The following ANO4 variants were observed in gnomAD, a reference collection of about 807,000 sequenced individuals.
The protein encoded by ANO4 is anoctamin-4.
ANO4 carries 69 observed loss-of-function variants against 141.9 expected under a neutral mutation model. The ratio of observed to expected loss-of-function variants is 0.49; its 90% confidence interval spans 0.40 to 0.59. The LOEUF (loss-of-function observed/expected upper bound fraction) is 0.59, where lower values mean the gene tolerates loss of function less well. Among genes scored for constraint, ANO4 ranks in the 20% least tolerant of loss-of-function variants. The pLI is 0.00. For synonymous variants in ANO4, 350 were observed against 394.3 expected (o/e 0.89, Z 1.33); for missense variants, 894 against 1,162.2 (o/e 0.77, Z 3.36).
chr12:100,868,615 A>G (rs547064679), intron 1 of ANO4, among the ~76,000 whole-genome samples: 1 of 152,044 alleles, frequency 6.6e-6, no homozygotes, highest in East Asian at 1.9e-4. Context: ...AGCCACCCCC[A>G]TCCCATTTTC....
chr12:100,992,578 C>G (rs985113794), intron 8 of ANO4, among the ~76,000 whole-genome samples: 1 of 152,172 alleles, frequency 6.6e-6, no homozygotes, highest in African/African-American at 2.4e-5. Context: ...GGTCTCTGTT[C>G]TATACTGTTG....
intron 1 of ANO4, among the ~76,000 whole-genome samples, chr12:100,729,371 A>C (rs2031285517): frequency 1.3e-5 from 2 of 148,874 alleles, no homozygotes; most frequent in African/African-American, 4.9e-5. Flanking sequence ...AAAAAAAAAA[A>C]AAAAAAAAAA....
At chr12:101,011,923 T>C (rs2046111945) in intron 8 of ANO4, among the ~76,000 whole-genome samples, 2 of 152,050 alleles carry the variant, frequency 1.3e-5, no homozygotes, top group Non-Finnish European at 1.5e-5. Flanking sequence ...CCATGCAGAT[T>C]TTCATACCTT....
At chr12:101,060,129 C>T (rs889775916) in intron 14 of ANO4, among the ~76,000 whole-genome samples, 4 of 152,286 alleles carry the variant, frequency 2.6e-5, no homozygotes, top group East Asian at 3.9e-4. Flanking sequence ...GCCTTAATTT[C>T]GTTATTTACC....
At chr12:100,923,748 C>T (rs1441967286) in intron 3 of ANO4, among the ~76,000 whole-genome samples, 2 of 152,120 alleles carry the variant, frequency 1.3e-5, no homozygotes, top group African/African-American at 4.8e-5. Context: ...TTTACACTCC[C>T]ACCAACAGTG....
At chr12:100,826,170 C>T (rs1037349352) in intron 1 of ANO4, among the ~76,000 whole-genome samples, 1 of 151,720 alleles carries the variant, frequency 6.6e-6, no homozygotes, top group African/African-American at 2.4e-5. Flanking sequence ...AAGCAAAAGA[C>T]AGTGTAACAG....
At chr12:100,823,496 G>C (rs1046157712) in intron 1 of ANO4, among the ~76,000 whole-genome samples, 8 of 151,900 alleles carry the variant, frequency 5.3e-5, no homozygotes, top group Non-Finnish European at 1.2e-4. Flanking sequence ...ATACAAGCGA[G>C]TTGGGACATA....
At chr12:100,895,148 G>GTT (rs35816641) in intron 1 of ANO4, among the ~76,000 whole-genome samples, 4,966 of 147,860 alleles carry the variant, frequency 0.034, 228 homozygotes, top group African/African-American at 0.1. Flanking sequence ...CCTTCTACAG[G>GTT]TTTTTTTTTT....
At chr12:100,988,876 A>AAAAAAAC in intron 8 of ANO4, among the ~76,000 whole-genome samples, 1 of 130,744 alleles carries the variant, frequency 7.6e-6, no homozygotes, top group South Asian at 2.7e-4. Flanking sequence ...GTCTCAGAAA[A>AAAAAAAC]AAAAAAAAAA....
At chr12:101,046,261 T>C (rs2047627260) in intron 13 of ANO4, among the ~76,000 whole-genome samples, 1 of 151,642 alleles carries the variant, frequency 6.6e-6, no homozygotes, top group African/African-American at 2.4e-5. Flanking sequence ...CCAGGGCAGC[T>C]ATCCAGGTAG....
At chr12:101,004,949 T>G (rs929157567) in intron 8 of ANO4, among the ~76,000 whole-genome samples, 5 of 152,190 alleles carry the variant, frequency 3.3e-5, no homozygotes, top group African/African-American at 1.2e-4. Context: ...AACTTCCAGA[T>G]TTTGCAGATG....
At chr12:101,025,445 G>T (rs2046695488) in intron 9 of ANO4, among the ~76,000 whole-genome samples, 1 of 152,208 alleles carries the variant, frequency 6.6e-6, no homozygotes, top group Non-Finnish European at 1.5e-5. Flanking sequence ...GGCAGCGAGA[G>T]TTCACAGAAG....
At chr12:100,908,431 T>TA (rs2040944957) in intron 2 of ANO4, among the ~76,000 whole-genome samples, 1 of 152,192 alleles carries the variant, frequency 6.6e-6, no homozygotes, top group Non-Finnish European at 1.5e-5. Context: ...AAACCCTACA[T>TA]ATGTCGAGTA....
chr12:101,037,264 T>C (rs2047236884), intron 10 of ANO4, 114 bp downstream of exon 10: 3 of 1,090,520 alleles, frequency 2.8e-6, no homozygotes, highest in Non-Finnish European at 4.1e-6. Flanking sequence ...GAATTTAATT[T>C]GTTCAATGGG....
chr12:101,043,720 T>A (rs1190314467), intron 13 of ANO4, 85 bp downstream of exon 13: 2 of 976,214 alleles, frequency 2.0e-6, no homozygotes, highest in Non-Finnish European at 3.2e-6. Flanking sequence ...TTCTGTCATT[T>A]CCAGTCTTTG....
chr12:101,081,456 G>C (rs892706226), intron 15 of ANO4, among the ~76,000 whole-genome samples: 1 of 152,164 alleles, frequency 6.6e-6, no homozygotes, highest in Non-Finnish European at 1.5e-5. Context: ...CTGATAAAAA[G>C]CGTGGAGTGC....
intron 1 of ANO4, among the ~76,000 whole-genome samples, chr12:100,728,586 T>G (rs1015845893): frequency 6.6e-6 from 1 of 152,194 alleles, no homozygotes; most frequent in Non-Finnish European, 1.5e-5. Context: ...TTTGAGCCCC[T>G]AATTCCTCAT....
At chr12:101,035,195 A>C (rs1034602933) in intron 9 of ANO4, among the ~76,000 whole-genome samples, 2 of 152,232 alleles carry the variant, frequency 1.3e-5, no homozygotes, top group African/African-American at 4.8e-5. Flanking sequence ...ATGTGATGGA[A>C]TACTACTCAG....
chr12:101,055,764 C>A (rs2048090515), intron 14 of ANO4, among the ~76,000 whole-genome samples: 1 of 152,026 alleles, frequency 6.6e-6, no homozygotes, highest in African/African-American at 2.4e-5. Flanking sequence ...AGATTTTCGT[C>A]TATATTGTCT....
Sources: gnomAD v4.1 joint callset for allele counts (sites outside exome capture counted in the v4.1 genomes callset) on GRCh38, gnomAD v4.1.1 for gene constraint, MANE v1.5 for transcripts, NCBI Gene and HGNC (gene_info 2026-07-23, HGNC 2026-07-21) for gene names.